The following CMSS1 variants were observed in gnomAD, a reference collection of about 807,000 sequenced individuals.
The protein encoded by CMSS1 is protein CMSS1.
In CMSS1, 33 loss-of-function variants were observed where a neutral mutation model predicts 43.5. That is an observed-to-expected ratio of 0.76 (90% CI 0.57 to 1.01). The LOEUF (loss-of-function observed/expected upper bound fraction) is 1.01. Among genes scored for constraint, CMSS1 ranks in the 50% least tolerant of loss-of-function variants. The pLI is 0.00. For synonymous variants in CMSS1, 115 were observed against 117.2 expected, an observed-to-expected ratio of 0.98 and a Z score of 0.12; for missense variants, 313 against 326.4, an observed-to-expected ratio of 0.96 and a Z score of 0.32.
intron 1 of CMSS1, among the ~76,000 whole-genome samples, chr3:99,842,668 A>G (rs1039548050): frequency 6.6e-6 from 1 of 152,196 alleles, no homozygotes; most frequent in African/African-American, 2.4e-5. Context: ...TTGATCAACA[A>G]TTTTGACAAT....
At chr3:100,075,900 C>T (rs981970629) in intron 1 of CMSS1, among the ~76,000 whole-genome samples, 1 of 152,122 alleles carries the variant, frequency 6.6e-6, no homozygotes, top group South Asian at 2.1e-4. Context: ...TATTAGGATT[C>T]GATTCAGGAG....
chr3:100,085,813 A>C (rs752977670), intron 1 of CMSS1, among the ~76,000 whole-genome samples: 55 of 152,088 alleles, frequency 3.6e-4, no homozygotes, highest in Non-Finnish European at 5.7e-4. Context: ...TCTTTTATTC[A>C]CTCTGTGTTT....
At chr3:99,930,839 C>T in intron 1 of CMSS1, 2 of 1,612,502 alleles carry the variant, frequency 1.2e-6, no homozygotes, top group Non-Finnish European at 1.7e-6. Flanking sequence ...TGCTTGGTGG[C>T]CATTACCACT....
chr3:100,139,193 G>T (rs2066781361), intron 1 of CMSS1, among the ~76,000 whole-genome samples: 1 of 152,094 alleles, frequency 6.6e-6, no homozygotes, highest in African/African-American at 2.4e-5. Context: ...GCCTGTTGTT[G>T]GGTGAGGGGT....
chr3:99,968,107 A>G (rs1467113274), intron 1 of CMSS1, among the ~76,000 whole-genome samples: 1 of 152,218 alleles, frequency 6.6e-6, no homozygotes, highest in Non-Finnish European at 1.5e-5. Flanking sequence ...TAGTAAAGGC[A>G]GTGATCAAGG....
intron 1 of CMSS1, among the ~76,000 whole-genome samples, chr3:99,957,680 CT>C (rs1419676409): frequency 4.7e-5 from 1 of 21,214 alleles, no homozygotes; most frequent in Non-Finnish European, 1.1e-4. Context: ...CTCCTTTTCT[CT>C]TTTCTTTCTT....
At chr3:100,017,921 G>A (rs1386332755) in intron 1 of CMSS1, among the ~76,000 whole-genome samples, 1 of 152,148 alleles carries the variant, frequency 6.6e-6, no homozygotes, top group Non-Finnish European at 1.5e-5. Flanking sequence ...GCAAATTGCA[G>A]ATTGTGGAAC....
intron 1 of CMSS1, among the ~76,000 whole-genome samples, chr3:99,945,337 T>C (rs1707976749): frequency 6.6e-6 from 1 of 152,182 alleles, no homozygotes; most frequent in Middle Eastern, 3.2e-3. Flanking sequence ...CCCAGCCTTG[T>C]TGCGTAGATC....
rs1418194278 is a variant in CMSS1, at chr3:100,130,026, C to T, written c.65-16947C>T. ...TAAATTTCACCCACCAGGATATTAT[C>T]TCCTACAAACTGAGCCCTTTGCCAA... On this transcript the variant is annotated intron_variant, in intron 1 of 9. Coordinates refer to ENST00000421999, the MANE Select transcript of CMSS1 (RefSeq NM_032359.4). Among the ~76,000 whole-genome samples, 4 of 152,158 alleles carry T rather than the reference C, an allele frequency of 2.6e-5. No individual in the cohort carries two copies. In the East Asian group the frequency reaches 5.8e-4, roughly 22 times the overall value.
chr3:99,977,513 A>T (rs1709006373), intron 1 of CMSS1, among the ~76,000 whole-genome samples: 1 of 152,154 alleles, frequency 6.6e-6, no homozygotes, highest in Non-Finnish European at 1.5e-5. Context: ...ATATACCTAA[A>T]TTACTTGTTT....
chr3:99,985,939 G>A (rs1315994539), intron 1 of CMSS1, among the ~76,000 whole-genome samples: 1 of 152,062 alleles, frequency 6.6e-6, no homozygotes, highest in Non-Finnish European at 1.5e-5. Flanking sequence ...AACACATTGG[G>A]GGTTAAAGTC....
At chr3:100,115,004 T>A (rs1553715367) in intron 1 of CMSS1, 1 of 1,500,814 alleles carries the variant, frequency 6.7e-7, no homozygotes, top group African/African-American at 1.4e-5. Flanking sequence ...TGGTGGTATG[T>A]TTATTATTAT....
intron 1 of CMSS1, among the ~76,000 whole-genome samples, chr3:99,947,187 G>T (rs575349812): frequency 6.6e-6 from 1 of 151,304 alleles, no homozygotes. Flanking sequence ...TGAAAAATGG[G>T]GAAGCAGGCA....
intron 1 of CMSS1, among the ~76,000 whole-genome samples, chr3:100,058,647 C>G (rs2065506926): frequency 1.3e-5 from 2 of 152,146 alleles, no homozygotes; most frequent in African/African-American, 4.8e-5. Flanking sequence ...TCCCAAGCAC[C>G]TCACCACAAA....
intron 1 of CMSS1, among the ~76,000 whole-genome samples, chr3:100,138,835 TCAC>T: frequency 6.6e-6 from 1 of 152,288 alleles, no homozygotes; most frequent in Non-Finnish European, 1.5e-5. Flanking sequence ...AGCAATCCCA[TCAC>T]TGGATATCTA....
At chr3:99,970,581 AG>A (rs1473792103) in intron 1 of CMSS1, among the ~76,000 whole-genome samples, 2 of 152,334 alleles carry the variant, frequency 1.3e-5, no homozygotes. Context: ...CTTTCCTTGT[AG>A]TTTACTAGTA....
chr3:99,933,432 G>A lies in CMSS1; in HGVS notation c.64+115389G>A, dbSNP rs116191753. Among the ~76,000 whole-genome samples, 1,103 of 152,084 alleles carry A rather than the reference G, an allele frequency of 7.3e-3. 18 individuals carry two copies. Among genetic ancestry groups the A allele is most frequent in the African/African-American group, 0.024 (1,016 of 41,488 alleles). On this transcript the variant is annotated intron_variant, in intron 1 of 9. Coordinates refer to ENST00000421999, the MANE Select transcript of CMSS1 (RefSeq NM_032359.4). ...TTGGGGATGTGTAAGAGATGAGATTGGGAAAAACCTCATTGTGTGTATATC... is the reference window on the plus strand; with the variant it reads ...TTGGGGATGTGTAAGAGATGAGATTAGGAAAAACCTCATTGTGTGTATATC...
At chr3:100,034,806 A>C (rs2065079243) in intron 1 of CMSS1, among the ~76,000 whole-genome samples, 1 of 152,174 alleles carries the variant, frequency 6.6e-6, no homozygotes, top group Non-Finnish European at 1.5e-5. Context: ...TGAAATATGC[A>C]GCCTTAGGAG....
intron 1 of CMSS1, among the ~76,000 whole-genome samples, chr3:99,975,580 C>T (rs974392516): frequency 8.7e-5 from 13 of 149,756 alleles, no homozygotes; most frequent in Admixed American, 3.3e-4. Flanking sequence ...AATGAGACTC[C>T]GTCTCAAAAA....
Sources: gnomAD v4.1 joint callset for allele counts (sites outside exome capture counted in the v4.1 genomes callset) on GRCh38, gnomAD v4.1.1 for gene constraint, MANE v1.5 for transcripts, NCBI Gene and HGNC (gene_info 2026-07-23, HGNC 2026-07-21) for gene names.